The following AMZ1 variants were observed in gnomAD, a reference collection of about 807,000 sequenced individuals.
AMZ1 encodes the protein archaelysin family metallopeptidase 1.
In AMZ1, 39 loss-of-function variants were observed where a neutral mutation model predicts 29.9. That is an observed-to-expected ratio of 1.30 (90% CI 1.01 to 1.70). The LOEUF is 1.70. Among genes scored for constraint, AMZ1 ranks in the 40% most tolerant of loss-of-function variants. The pLI, the probability that AMZ1 is intolerant of heterozygous loss-of-function variation, is 0.00. For missense variants in AMZ1, 1,041 were observed against 680.6 expected, an observed-to-expected ratio of 1.53 and a Z score of -5.89; for synonymous variants, 458 against 304.0, an observed-to-expected ratio of 1.51 and a Z score of -5.27.
rs918742184 is a variant in AMZ1, at chr7:2,688,400, A to C, written c.-219+104A>C. 624 of 151,902 alleles carry C rather than the reference A, an allele frequency of 4.1e-3. 2 individuals are homozygous for C. Among genetic ancestry groups the C allele is most frequent in the Admixed American group, 6.7e-3 (103 of 15,264 alleles). The allele number at this position is 151,902 out of a possible 1,614,324, so 9.4% of individuals were successfully genotyped here. On this transcript the variant is annotated intron_variant, in intron 1 of 6. Transcript: ENST00000683327. ...GCTCCGGGTCCAGCCCGGCCCGCGC[A>C]CCAAGTCCCGAGGGCGCCCGGGCGG...
At chr7:2,688,567 C>T (rs1248385698) in intron 1 of AMZ1, among the ~76,000 whole-genome samples, 3 of 152,224 alleles carry the variant, frequency 2.0e-5, no homozygotes, top group Non-Finnish European at 4.4e-5. Flanking sequence ...CACGCGCCCC[C>T]TCCCCGCCAT....
At chr7:2,702,912 G>T in intron 3 of AMZ1, 23 bp downstream of exon 3, 3 of 1,570,520 alleles carry the variant, frequency 1.9e-6, no homozygotes, top group Non-Finnish European at 1.7e-6. Context: ...GGCAGCCGCC[G>T]CTCAGGCCAA....
At chr7:2,696,482 C>T (rs1174691800) in intron 1 of AMZ1, among the ~76,000 whole-genome samples, 4 of 150,210 alleles carry the variant, frequency 2.7e-5, no homozygotes, top group African/African-American at 7.3e-5. Context: ...TGGTCTCGAT[C>T]TCCTGACCTC....
intron 2 of AMZ1, chr7:2,701,971 C>T (rs1788079592): frequency 6.6e-6 from 1 of 152,374 alleles, no homozygotes; most frequent in African/African-American, 2.4e-5. Flanking sequence ...GACACATGGG[C>T]ATGTTGTTGA....
At chr7:2,738,347 C>A (rs1356808389) in intron 4 of AMZ1, among the ~76,000 whole-genome samples, 3 of 152,140 alleles carry the variant, frequency 2.0e-5, no homozygotes, top group African/African-American at 7.2e-5. Flanking sequence ...CAGGCACAAG[C>A]TGTCACTGCA....
intron 4 of AMZ1, among the ~76,000 whole-genome samples, chr7:2,745,918 A>G (rs1313604181): frequency 2.6e-5 from 4 of 152,244 alleles, no homozygotes; most frequent in African/African-American, 9.7e-5. Flanking sequence ...CAAAAGAGAC[A>G]AAGAAGGCCA....
chr7:2,741,329 T>C (rs766776606), intron 4 of AMZ1, among the ~76,000 whole-genome samples: 1 of 152,118 alleles, frequency 6.6e-6, no homozygotes, highest in Non-Finnish European at 1.5e-5. Context: ...CACTCAGGCC[T>C]GGGCAACAGA....
chr7:2,734,134 C>T (rs188821792), intron 4 of AMZ1, among the ~76,000 whole-genome samples: 18 of 152,288 alleles, frequency 1.2e-4, no homozygotes, highest in Admixed American at 5.2e-4. Context: ...CAATCTGAGA[C>T]GTGTTCCATA....
chr7:2,702,491 T>C (rs1365550052), intron 2 of AMZ1: 1 of 553,776 alleles, frequency 1.8e-6, no homozygotes, highest in African/African-American at 1.9e-5. Flanking sequence ...CGATTGTCAC[T>C]GCTGTCCTTT....
intron 4 of AMZ1, among the ~76,000 whole-genome samples, chr7:2,725,580 T>C (rs902388662): frequency 1.3e-5 from 2 of 152,162 alleles, no homozygotes; most frequent in Admixed American, 1.3e-4. Flanking sequence ...CTGAAGACTT[T>C]CCTCCAGAGA....
chr7:2,747,067 C>CA (rs894431372), intron 4 of AMZ1, among the ~76,000 whole-genome samples: 18 of 152,166 alleles, frequency 1.2e-4, no homozygotes, highest in African/African-American at 4.3e-4. Context: ...CAGATGGATT[C>CA]AACAGCCGAA....
chr7:2,684,735 C>T (rs116424828), upstream of AMZ1, among the ~76,000 whole-genome samples: 2,208 of 152,200 alleles, frequency 0.015, 51 homozygotes, highest in African/African-American at 0.051. Context: ...CTCTGTGTTT[C>T]GGGGGTCCTG....
At chr7:2,740,458 C>T (rs975277016) in intron 4 of AMZ1, among the ~76,000 whole-genome samples, 15 of 152,182 alleles carry the variant, frequency 9.9e-5, no homozygotes, top group African/African-American at 3.6e-4. Context: ...GACAGCCCTC[C>T]CTCACCAGAA....
In AMZ1 at chr7:2,716,215, A is replaced by C. The variant is rs1789113757; in HGVS notation, c.*3337A>C. 6.6e-6 allele frequency: 1 copy of C among 152,248 alleles called. No individual in the cohort carries two copies. The highest frequency in any genetic ancestry group is 1.5e-5 in the Non-Finnish European group (1 of 68,054). 9.4% of individuals were successfully genotyped at this position (152,248 alleles called of 1,614,324 possible). A position where few individuals can be genotyped will look rare whatever the true frequency, so the allele number is the denominator to read the frequency against. On this transcript the variant is annotated 3_prime_UTR_variant, in exon 7 of 7. Transcript: ENST00000683327. ...AGCCATGCTATGATGAAGGGGTGAG[A>C]AGCAGTGTCCCCTCTGAGGCAAATC...
At chr7:2,692,297 C>G (rs535954112) in intron 1 of AMZ1, among the ~76,000 whole-genome samples, 1 of 152,060 alleles carries the variant, frequency 6.6e-6, no homozygotes, top group African/African-American at 2.4e-5. Context: ...TCCCAACACT[C>G]TGGGAGGCCG....
At chr7:2,693,963 G>C (rs1787557328) in intron 1 of AMZ1, among the ~76,000 whole-genome samples, 1 of 152,156 alleles carries the variant, frequency 6.6e-6, no homozygotes, top group South Asian at 2.1e-4. Flanking sequence ...ACTCCATGGG[G>C]CCAGGGACCT....
chr7:2,762,504 C>T, upstream of AMZ1: 1 of 911,616 alleles, frequency 1.1e-6, no homozygotes, highest in Non-Finnish European at 1.6e-6. Flanking sequence ...TGTGAGTAGC[C>T]TAACTGTGGA....
chr7:2,684,048 C>T (rs1007413802), upstream of AMZ1, among the ~76,000 whole-genome samples: 44 of 151,934 alleles, frequency 2.9e-4, no homozygotes, highest in African/African-American at 1.0e-3. Context: ...CTTGGTGGCA[C>T]GCGCCTATAA....
At chr7:2,745,179 A>G (rs555170637) in intron 4 of AMZ1, among the ~76,000 whole-genome samples, 1 of 152,190 alleles carries the variant, frequency 6.6e-6, no homozygotes, top group South Asian at 2.1e-4. Flanking sequence ...CACCACAAAG[A>G]TACTCCTTGA....
Sources: allele counts gnomAD v4.1 joint callset (sites outside exome capture counted in the v4.1 genomes callset), GRCh38; gene constraint gnomAD v4.1.1; transcripts MANE v1.5; gene names NCBI Gene and HGNC (gene_info 2026-07-23, HGNC 2026-07-21).